Variants in JAKMIP1 observed in about 807,000 individuals in gnomAD.
The protein encoded by JAKMIP1 is janus kinase and microtubule interacting protein 1.
In JAKMIP1, 33 loss-of-function variants were observed where a neutral mutation model predicts 113.0. That is an observed-to-expected ratio of 0.29 (90% CI 0.22 to 0.39). The LOEUF is 0.39. JAKMIP1 is among the 10% of genes least tolerant of loss of function. The pLI, the probability that JAKMIP1 is intolerant of heterozygous loss-of-function variation, is 1.00. For synonymous variants in JAKMIP1, 480 were observed against 459.9 expected, an observed-to-expected ratio of 1.04 and a Z score of -0.56; for missense variants, 813 against 1,080.5, an observed-to-expected ratio of 0.75 and a Z score of 3.47.
In JAKMIP1 at chr4:6,037,261, C is replaced by A. The variant is rs545320514; in HGVS notation, c.2176-1154G>T. Among the ~76,000 whole-genome samples the A allele has an allele frequency of 1.6e-4, 21 of 133,146 alleles. No individual in the cohort carries two copies. In the East Asian group the frequency reaches 4.2e-3, roughly 27 times the overall value. 87.3% of individuals were successfully genotyped at this position (133,146 alleles called of 152,430 possible). Reference sequence around the variant, plus strand: ...CAGAGGCTAACCGGTATCCCTCCATCACTGAGTCAGAGGTTAACCCAGTAG... The same window carrying A: ...CAGAGGCTAACCGGTATCCCTCCATAACTGAGTCAGAGGTTAACCCAGTAG... On this transcript the variant is annotated intron_variant, in intron 18 of 20. Transcript: ENST00000409021.
chr4:6,191,826 T>C (rs780582245), intron 1 of JAKMIP1, among the ~76,000 whole-genome samples: 6 of 152,204 alleles, frequency 3.9e-5, no homozygotes, highest in Non-Finnish European at 7.3e-5. Flanking sequence ...CAAAATAGCA[T>C]TATTTTGAAG....
intron 3 of JAKMIP1, 56 bp downstream of exon 3, chr4:6,105,417 T>TGCGTGCAGGGA (rs1181500325): frequency 2.7e-6 from 4 of 1,484,146 alleles, no homozygotes; most frequent in Non-Finnish European, 3.6e-6. Flanking sequence ...ATTTCCCCCA[T>TGCGTGCAGGGA]GCGTGCAGGG....
chr4:6,035,113 T>C (rs1467717049), intron 19 of JAKMIP1, among the ~76,000 whole-genome samples: 3 of 150,958 alleles, frequency 2.0e-5, no homozygotes, highest in Admixed American at 6.6e-5. Context: ...GTCAACCTCT[T>C]TCTCTCTCTC....
In JAKMIP1 at chr4:6,131,366, C is replaced by CAAA. The variant is rs34129127; in HGVS notation, c.-147-18372_-147-18370dup. Among the ~76,000 whole-genome samples the CAAA allele has an allele frequency of 4.9e-3, 420 of 85,328 alleles. 5 individuals carry two copies. In the South Asian group the frequency reaches 0.05, roughly 10 times the overall value. 56.0% of individuals were successfully genotyped at this position (85,328 alleles called of 152,430 possible). ...AGAAAATAGCAAGAAGGATAACTGC[C>CAAA]AAAAAAAAAAAAAAACAAAACCCTA... On this transcript the variant is annotated intron_variant, in intron 1 of 20. Coordinates refer to ENST00000409021, the MANE Select transcript of JAKMIP1 (RefSeq NM_001099433.2).
At chr4:6,035,131 TTCTCTTTCTCTCTCTCTCTG>T (rs1459495026) in intron 19 of JAKMIP1, among the ~76,000 whole-genome samples, 1 of 151,852 alleles carries the variant, frequency 6.6e-6, no homozygotes, top group Non-Finnish European at 1.5e-5. Flanking sequence ...CTCTCTCTCT[TTCTCTTTCTCTCTCTCTCTG>T]CCCGCATCCC....
At position 6,044,821 on chromosome 4, in the gene JAKMIP1, A is replaced by AC. The variant is rs1714780243; in HGVS notation, c.2029-2595dup. Among the ~76,000 whole-genome samples the AC allele has an allele frequency of 6.6e-6, 1 of 152,236 alleles. No homozygotes were observed. The highest frequency in any genetic ancestry group is 2.4e-5 in the African/African-American group (1 of 41,462). ...GAGCTGGCCATGAGGACCCCCGACC[A>AC]CGTGAGATCAGAAATTTAATATCAA... On this transcript the variant is annotated intron_variant, in intron 16 of 20. Coordinates refer to ENST00000409021, the MANE Select transcript of JAKMIP1 (RefSeq NM_001099433.2). The surrounding 1 kb of genome is among the most constrained non-coding windows in gnomAD (Gnocchi z 4.4).
intron 1 of JAKMIP1, among the ~76,000 whole-genome samples, chr4:6,159,450 A>C (rs957436173): frequency 6.6e-6 from 1 of 152,230 alleles, no homozygotes; most frequent in Admixed American, 6.5e-5. Context: ...AACAAATCCC[A>C]GGTTAATATT....
At chr4:6,169,010 AT>A (rs1724000875) in intron 1 of JAKMIP1, among the ~76,000 whole-genome samples, 1 of 152,004 alleles carries the variant, frequency 6.6e-6, no homozygotes, top group Admixed American at 6.6e-5. Flanking sequence ...TAGGCATTGG[AT>A]TTCTTTCTGG....
chr4:6,106,149 C>T lies in JAKMIP1; in HGVS notation c.130-182G>A, dbSNP rs560035297. ...AGGCCTGACCCTCCTGCCAGCCCCA[C>T]TTAGAATCTCTCCTGCTAGTTCCCT... On this transcript the variant is annotated intron_variant, in intron 2 of 20. Coordinates refer to ENST00000409021, the MANE Select transcript of JAKMIP1 (RefSeq NM_001099433.2). This position sits in a 1 kb window ranked among gnomAD's most constrained non-coding sequence, Gnocchi z 5.9. 2.0e-5 allele frequency among the ~76,000 whole-genome samples: 3 copies of T among 152,326 alleles called. No homozygotes were observed. In the South Asian group the frequency reaches 6.2e-4, roughly 32 times the overall value.
rs922767224 is a variant in JAKMIP1, at chr4:6,199,977, T to G, written c.-148+276A>C. 2.3e-5 allele frequency among the ~76,000 whole-genome samples: 2 copies of G among 85,484 alleles called. No individual in the cohort carries two copies. Among genetic ancestry groups the G allele is most frequent in the African/African-American group, 4.5e-5 (1 of 21,994 alleles). The allele number at this position is 85,484 out of a possible 152,430, so 56.1% of individuals were successfully genotyped here. A position where few individuals can be genotyped will look rare whatever the true frequency, so the allele number is the denominator to read the frequency against. ...TGGGGGCGGGACCGGGAGGGGGTGT[T>G]GGGGGAAGCGACGCAGCGGCTGGGA... On this transcript the variant is annotated intron_variant, in intron 1 of 20. Coordinates refer to ENST00000409021, the MANE Select transcript of JAKMIP1 (RefSeq NM_001099433.2). This position sits in a 1 kb window ranked among gnomAD's most constrained non-coding sequence, Gnocchi z 5.6.
intron 3 of JAKMIP1, among the ~76,000 whole-genome samples, chr4:6,087,936 C>T (rs1223231022): frequency 6.6e-6 from 1 of 152,136 alleles, no homozygotes; most frequent in Admixed American, 6.5e-5. Flanking sequence ...TCCCAAATCC[C>T]GAGTGTTGCA....
At chr4:6,045,943 C>T (rs558610874) in intron 16 of JAKMIP1, among the ~76,000 whole-genome samples, 2 of 152,280 alleles carry the variant, frequency 1.3e-5, no homozygotes, top group South Asian at 2.1e-4. Flanking sequence ...TATGGAATGA[C>T]AATTTTTAAA....
Position 6,157,554 on chromosome 4 carries a change from T to C in JAKMIP1, c.-148+42699A>G, listed in dbSNP as rs6817526. ...ACTAAGAATCCATCATTTTCCTAAC[T>C]TTTTCATAAGCCACTGGCACAGACC... On this transcript the variant is annotated intron_variant, in intron 1 of 20. Transcript: ENST00000409021. This position sits in a 1 kb window ranked among gnomAD's most constrained non-coding sequence, Gnocchi z 4.7. Among the ~76,000 whole-genome samples the C allele has an allele frequency of 1.3e-5, 2 of 152,184 alleles. No homozygotes were observed. The highest frequency in any genetic ancestry group is 2.9e-5 in the Non-Finnish European group (2 of 68,040).
chr4:6,027,955 C>T (rs530285608), intron 20 of JAKMIP1, among the ~76,000 whole-genome samples: 1 of 152,174 alleles, frequency 6.6e-6, no homozygotes, highest in African/African-American at 2.4e-5. Context: ...CCGGTGCTGC[C>T]AGTCCACACG....
Position 6,168,158 on chromosome 4 carries a change from T to G in JAKMIP1, c.-148+32095A>C, listed in dbSNP as rs1454825198. ...ACAACAACAAGTGTGGGTGAGCATG[T>G]GGGGAACTGGACCCTTTATGCATTG... On this transcript the variant is annotated intron_variant, in intron 1 of 20. Transcript: ENST00000409021. This position sits in a 1 kb window ranked among gnomAD's most constrained non-coding sequence, Gnocchi z 4.6. 6.6e-6 allele frequency among the ~76,000 whole-genome samples: 1 copy of G among 152,170 alleles called. No individual in the cohort carries two copies. Among genetic ancestry groups the G allele is most frequent in the African/African-American group, 2.4e-5 (1 of 41,442 alleles).
intron 11 of JAKMIP1, among the ~76,000 whole-genome samples, chr4:6,057,108 A>G (rs778035213): frequency 4.6e-5 from 7 of 152,192 alleles, no homozygotes; most frequent in Non-Finnish European, 8.8e-5. Flanking sequence ...GGCCAGAGCC[A>G]CACTGACATG....
intron 18 of JAKMIP1, among the ~76,000 whole-genome samples, chr4:6,036,976 AACCAGTATCCCTCCATC>A: frequency 7.6e-5 from 10 of 131,768 alleles, no homozygotes; most frequent in South Asian, 2.3e-4. Context: ...GGCAGAGGCT[AACCAGTATCCCTCCATC>A]ACTGAGGCAG....
Position 6,116,714 on chromosome 4 carries a change from A to G in JAKMIP1, c.-147-3717T>C, listed in dbSNP as rs561183587. Among the ~76,000 whole-genome samples, 114 of 152,256 alleles carry G rather than the reference A, an allele frequency of 7.5e-4. No homozygotes were observed. Among genetic ancestry groups the G allele is most frequent in the Middle Eastern group, 6.8e-3 (2 of 294 alleles). ...TTAACTGCCTACAGGAAATTAATAT[A>G]CCGGGCATGCAGGAGGACCAGACAA... On this transcript the variant is annotated intron_variant, in intron 1 of 20. Transcript: ENST00000409021. This position sits in a 1 kb window ranked among gnomAD's most constrained non-coding sequence, Gnocchi z 5.1.
rs200565136 is a variant in JAKMIP1 at position 6,035,858 on chromosome 4, A to G, written c.2379+46T>C. 5.1e-4 allele frequency: 757 copies of G among 1,491,412 alleles called. 15 individuals are homozygous for G. In the East Asian group the frequency reaches 0.015, roughly 29 times the overall value. The allele number at this position is 1,491,412 out of a possible 1,614,324, so 92.4% of individuals were successfully genotyped here. On this transcript the variant is annotated intron_variant, in intron 19 of 20. Transcript: ENST00000409021. ...AGGGTGCCAAGGTGCACACAGGACA[A>G]CAAGGGTGCCGGGGTGCTGTGGGCA... is the stretch of plus-strand genomic sequence containing the variant.
Sources: gnomAD v4.1 joint callset for allele counts (sites outside exome capture counted in the v4.1 genomes callset) on GRCh38, gnomAD v4.1.1 for gene constraint, Gnocchi (gnomAD v3.1) non-coding constraint, MANE v1.5 for transcripts, NCBI Gene and HGNC (gene_info 2026-07-23, HGNC 2026-07-21) for gene names.